LRP1B: variants seen among roughly 807,000 people sequenced by gnomAD.
LRP1B encodes the protein low-density lipoprotein receptor-related protein 1B.
Under a neutral mutation model 556.6 loss-of-function variants are expected in LRP1B, and 217 were observed. That is an observed-to-expected ratio of 0.39 (90% confidence interval 0.35 to 0.44). The LOEUF is 0.44. LRP1B is among the 20% of genes least tolerant of loss of function. The pLI is 1.00. For synonymous variants in LRP1B, 2,047 were observed against 1,865.8 expected, an observed-to-expected ratio of 1.10 and a Z score of -2.50; for missense variants, 5,053 against 5,620.8, an observed-to-expected ratio of 0.90 and a Z score of 3.23.
At chr2:141,240,944 C>T (rs1001805788) in intron 5 of LRP1B, among the ~76,000 whole-genome samples, 1 of 152,078 alleles carries the variant, frequency 6.6e-6, no homozygotes, top group African/African-American at 2.4e-5. Context: ...TCTCTGCTAT[C>T]AATCTTGCAA....
intron 2 of LRP1B, among the ~76,000 whole-genome samples, chr2:141,714,310 G>GT (rs1329220406): frequency 2.6e-5 from 4 of 152,104 alleles, no homozygotes; most frequent in African/African-American, 9.7e-5. Context: ...ATGAGTGGAT[G>GT]TATCAATGAA....
chr2:140,243,399 C>A (rs896140826), intron 87 of LRP1B, among the ~76,000 whole-genome samples: 2 of 151,004 alleles, frequency 1.3e-5, no homozygotes, highest in African/African-American at 4.8e-5. Flanking sequence ...CAGAAGTGTT[C>A]ACTATCATGA....
At chr2:141,635,043 G>T (rs1354461891) in intron 2 of LRP1B, among the ~76,000 whole-genome samples, 5 of 24,712 alleles carry the variant, frequency 2.0e-4, no homozygotes, top group African/African-American at 3.8e-4. Context: ...CAGAACTATA[G>T]TGAAACACAC....
chr2:141,515,626 T>TTCTGACAG (rs1170716695), intron 2 of LRP1B, among the ~76,000 whole-genome samples: 1 of 152,138 alleles, frequency 6.6e-6, no homozygotes. Flanking sequence ...ACTTTAAAAA[T>TTCTGACAG]TCTGACAGTA....
chr2:140,586,129 T>A (rs1359819897), intron 43 of LRP1B, among the ~76,000 whole-genome samples: 1 of 152,130 alleles, frequency 6.6e-6, no homozygotes, highest in African/African-American at 2.4e-5. Context: ...CATTTCTTGA[T>A]CCTTATGTAC....
intron 3 of LRP1B, among the ~76,000 whole-genome samples, chr2:141,273,055 T>C (rs1474977802): frequency 2.0e-5 from 3 of 152,160 alleles, no homozygotes; most frequent in African/African-American, 7.2e-5. Context: ...ACGCCTGTAA[T>C]CCCAGCACTT....
At chr2:141,544,381 T>TCTTCTTCTC (rs1685463294) in intron 2 of LRP1B, among the ~76,000 whole-genome samples, 14 of 79,792 alleles carry the variant, frequency 1.8e-4, no homozygotes, top group African/African-American at 5.6e-4. Context: ...TTCTTCTTCT[T>TCTTCTTCTC]CTCCTCCTCC....
intron 3 of LRP1B, among the ~76,000 whole-genome samples, chr2:141,406,304 G>A (rs1476092018): frequency 6.6e-6 from 1 of 152,040 alleles, no homozygotes; most frequent in East Asian, 1.9e-4. Flanking sequence ...AGTATAAATA[G>A]GATGTTCATA....
intron 3 of LRP1B, among the ~76,000 whole-genome samples, chr2:141,276,283 G>T (rs577788679): frequency 6.9e-6 from 1 of 144,598 alleles, no homozygotes; most frequent in Admixed American, 6.9e-5. Flanking sequence ...TCTTTGGCTT[G>T]ATAATTTTTA....
chr2:141,462,497 G>A (rs6429883), intron 3 of LRP1B, among the ~76,000 whole-genome samples: 1 of 150,832 alleles, frequency 6.6e-6, no homozygotes, highest in African/African-American at 2.4e-5. Flanking sequence ...CTGTTGGGGG[G>A]TGGGGGTCAA....
chr2:142,071,275 A>T (rs1027000029), intron 1 of LRP1B, among the ~76,000 whole-genome samples: 6 of 152,002 alleles, frequency 3.9e-5, no homozygotes, highest in African/African-American at 1.2e-4. Context: ...ACTCAAAATT[A>T]TATGCCATAT....
At chr2:140,338,748 TGA>T (rs1412752401) in intron 77 of LRP1B, among the ~76,000 whole-genome samples, 1 of 151,630 alleles carries the variant, frequency 6.6e-6, no homozygotes, top group Non-Finnish European at 1.5e-5. Context: ...ACTGACATTC[TGA>T]GAGTGGAAAT....
At chr2:140,772,649 AT>A (rs1194395034) in intron 33 of LRP1B, among the ~76,000 whole-genome samples, 1 of 152,124 alleles carries the variant, frequency 6.6e-6, no homozygotes, top group African/African-American at 2.4e-5. Context: ...TACATATTTC[AT>A]TTTGTAGAAA....
At chr2:141,108,166 G>C (rs1700654563) in intron 7 of LRP1B, among the ~76,000 whole-genome samples, 1 of 151,954 alleles carries the variant, frequency 6.6e-6, no homozygotes, top group Non-Finnish European at 1.5e-5. Flanking sequence ...CATTAAATGT[G>C]TTTCCTTTAG....
intron 3 of LRP1B, among the ~76,000 whole-genome samples, chr2:141,417,687 C>G (rs1173715077): frequency 1.3e-5 from 2 of 151,598 alleles, no homozygotes; most frequent in East Asian, 3.9e-4. Context: ...GCAAATATCT[C>G]TTGAAGATCC....
At chr2:141,843,084 A>G (rs1697532501) in intron 1 of LRP1B, among the ~76,000 whole-genome samples, 1 of 152,140 alleles carries the variant, frequency 6.6e-6, no homozygotes, top group Non-Finnish European at 1.5e-5. Context: ...CCAATTGAAG[A>G]TATAGCTAGA....
intron 3 of LRP1B, among the ~76,000 whole-genome samples, chr2:141,358,558 C>G (rs987693729): frequency 6.6e-6 from 1 of 152,234 alleles, no homozygotes. Flanking sequence ...CTTCCTACTT[C>G]TCTCTATTCT....
rs551426898 is a variant in LRP1B, at chr2:140,968,771, C to T, written c.2887+13389G>A. Among the ~76,000 whole-genome samples, 232 of 152,118 alleles carry T rather than the reference C, an allele frequency of 1.5e-3. 2 individuals carry two copies. The highest frequency in any genetic ancestry group is 5.2e-3 in the South Asian group (25 of 4,818). On this transcript the variant is annotated intron_variant, in intron 18 of 90. Coordinates refer to ENST00000389484, the MANE Select transcript of LRP1B (RefSeq NM_018557.3). ...TTTCAAAGAACATCTTTATTTCTGC[C>T]TTCATTTCGTTATGTACCTAGTAGT...
intron 2 of LRP1B, among the ~76,000 whole-genome samples, chr2:141,730,279 G>T (rs1287917354): frequency 2.0e-5 from 3 of 152,106 alleles, no homozygotes; most frequent in Non-Finnish European, 4.4e-5. Context: ...GTGGACCAGG[G>T]TTTGGGCACA....
Sources: allele counts gnomAD v4.1 joint callset (sites outside exome capture counted in the v4.1 genomes callset), GRCh38; gene constraint gnomAD v4.1.1; transcripts MANE v1.5; gene names NCBI Gene and HGNC (gene_info 2026-07-23, HGNC 2026-07-21).